The following PTGDR variants were observed in gnomAD, a reference collection of about 807,000 sequenced individuals.
PTGDR encodes PGD2 receptor.
Under a neutral mutation model 17.4 loss-of-function variants are expected in PTGDR, and 19 were observed. The ratio of observed to expected loss-of-function variants is 1.09; its 90% CI spans 0.76 to 1.60. The LOEUF is 1.60. Ranked by LOEUF, PTGDR falls within the 40% of genes most tolerant of loss-of-function variation. The pLI is 0.00. For missense variants in PTGDR, 526 were observed against 481.9 expected, an observed-to-expected ratio of 1.09 and a Z score of -0.86; for synonymous variants, 267 against 224.2, an observed-to-expected ratio of 1.19 and a Z score of -1.71.
intron 1 of PTGDR, 89 bp from the exon 2 acceptor site, chr14:52,274,642 T>C (rs2033384532): frequency 1.7e-6 from 2 of 1,148,244 alleles, no homozygotes; most frequent in South Asian, 1.4e-5. Context: ...TAAGCTGTCA[T>C]GTTCTTACAG....
intron 1 of PTGDR, among the ~76,000 whole-genome samples, chr14:52,273,276 G>A (rs2033356395): frequency 6.6e-6 from 1 of 152,120 alleles, no homozygotes; most frequent in Non-Finnish European, 1.5e-5. Flanking sequence ...GCCTCCCAGA[G>A]TGCTGGGATT....
At chr14:52,279,168 C>T (rs2033462529), downstream of PTGDR, among the ~76,000 whole-genome samples, 1 of 151,996 alleles carries the variant, frequency 6.6e-6, no homozygotes, top group East Asian at 1.9e-4. Context: ...CTAAAATGTA[C>T]GTCTATTCAA....
chr14:52,269,560 C>T lies in PTGDR; in HGVS notation c.846+900C>T, dbSNP rs41343350. ...TCCCAAGGTACCTGTTCAACAAAAA[C>T]AATACTTACAGAAATTCCATTGCCA... On this transcript the variant is annotated intron_variant, in intron 1 of 1. Transcript: ENST00000306051. 2.8e-3 allele frequency: 4,147 copies of T among 1,498,322 alleles called. 4 individuals are homozygous for T. The highest frequency in any genetic ancestry group is 3.5e-3 in the Non-Finnish European group (3,930 of 1,117,384). 92.8% of individuals were successfully genotyped at this position (1,498,322 alleles called of 1,614,324 possible).
chr14:52,275,003 A>C lies in PTGDR; in HGVS notation c.*39A>C, dbSNP rs1485398407. 58 of 1,380,828 alleles carry C rather than the reference A, an allele frequency of 4.2e-5. No individual in the cohort carries two copies. Among genetic ancestry groups the C allele is most frequent in the South Asian group, 5.2e-5 (4 of 77,060 alleles). The allele number at this position is 1,380,828 out of a possible 1,614,324, so 85.5% of individuals were successfully genotyped here. On this transcript the variant is annotated 3_prime_UTR_variant, in exon 2 of 2. Transcript: ENST00000306051. ...TCTGTGGTAAGCTGAGGAATATGTC[A>C]CATTTTCAGTCAAAGAACCATGATT...
chr14:52,268,824 C>A (rs1158645005), intron 1 of PTGDR, among the ~76,000 whole-genome samples, 164 bp downstream of exon 1: 4 of 152,124 alleles, frequency 2.6e-5, no homozygotes, highest in Admixed American at 2.0e-4. Flanking sequence ...CTTCCACAGC[C>A]CCGAGATATA....
In PTGDR at chr14:52,268,208, C is replaced by T. The variant is rs773721272; in HGVS notation, c.394C>T (p.Leu132Phe). 6.2e-6 allele frequency: 10 copies of T among 1,614,106 alleles called. No individual in the cohort carries two copies. In the East Asian group the frequency reaches 1.8e-4, roughly 29 times the overall value. The change falls in exon 1 of 2, where the codon CTC becomes TTC. Residue 132 changes from leucine (L) to phenylalanine (F), a missense_variant. Transcript: ENST00000306051. The stretch of plus-strand genomic sequence containing the variant: ...CCTGGCCATGGCACTGGAGTGCTGG[C>T]TCTCCCTAGGGCACCCTTTCTTCTA... ...QLLAMALECW[L>F]SLGHPFFYRR...
In PTGDR at chr14:52,274,902, A is replaced by T. The variant is rs1246359176; in HGVS notation, c.1018A>T (p.Ile340Phe). 6.8e-6 allele frequency: 11 copies of T among 1,607,510 alleles called. No individual in the cohort carries two copies. Among genetic ancestry groups the T allele is most frequent in the Non-Finnish European group, 9.4e-6 (11 of 1,174,094 alleles). The change falls in exon 2 of 2, where the codon ATT (isoleucine) becomes TTT (phenylalanine). Residue 340 changes from isoleucine to phenylalanine, a missense_variant. Physicochemically the swap from Ile to Phe is conservative, Grantham distance 21. Transcript: ENST00000306051. ...TCGGATATTTTTTCACAAGATTTTC[A>T]TTAGACCTCTTAGGTACAGGAGCCG... is the stretch of plus-strand genomic sequence containing the variant. ...VFRIFFHKIF[I>F]RPLRYRSRCS... is the part of the protein sequence containing the mutation.
intron 1 of PTGDR, 28 bp from the exon 2 acceptor site, chr14:52,274,702 TC>T: frequency 6.5e-7 from 1 of 1,540,834 alleles, no homozygotes. Flanking sequence ...CCTTTCCACA[TC>T]ATAATGGAAT....
chr14:52,274,704 A>G (rs749320735), intron 1 of PTGDR, 27 bp from the exon 2 acceptor site: 1 of 1,543,760 alleles, frequency 6.5e-7, no homozygotes, highest in African/African-American at 1.4e-5. Flanking sequence ...TTTCCACATC[A>G]TAATGGAATG....
At chr14:52,272,607 G>A (rs1421436922) in intron 1 of PTGDR, among the ~76,000 whole-genome samples, 1 of 152,160 alleles carries the variant, frequency 6.6e-6, no homozygotes, top group East Asian at 1.9e-4. Context: ...CTGCCAGGCA[G>A]CCCTCTCTGG....
At chr14:52,272,178 G>A (rs1334675127) in intron 1 of PTGDR, among the ~76,000 whole-genome samples, 1 of 152,096 alleles carries the variant, frequency 6.6e-6, no homozygotes, top group Admixed American at 6.5e-5. Context: ...TATTAGAAAT[G>A]TATTGTTCAT....
intron 1 of PTGDR, among the ~76,000 whole-genome samples, chr14:52,270,662 A>G (rs187000904): frequency 3.8e-4 from 58 of 152,358 alleles, no homozygotes; most frequent in Admixed American, 8.5e-4. Context: ...TCTCTTGGCC[A>G]TAAAACCTAA....
downstream of PTGDR, among the ~76,000 whole-genome samples, chr14:52,280,690 C>G (rs1198673701): frequency 6.6e-6 from 1 of 152,220 alleles, no homozygotes; most frequent in South Asian, 2.1e-4. Flanking sequence ...TCTGCTCTAT[C>G]GTCTGCATTA....
At chr14:52,279,940 A>G (rs1447461095), downstream of PTGDR, among the ~76,000 whole-genome samples, 2 of 152,084 alleles carry the variant, frequency 1.3e-5, no homozygotes, top group Non-Finnish European at 2.9e-5. Context: ...AGCTCAAATG[A>G]AAGTATATTT....
rs2033237647 is a variant in PTGDR at position 52,268,009 on chromosome 14, G to A, written c.195G>A (p.Val65=). Reference sequence around the variant, plus strand: ...TGCCCTCGGTCTTCTACATGCTGGTGTGTGGCCTGACGGTCACCGACTTGC... The same window carrying A: ...TGCCCTCGGTCTTCTACATGCTGGTATGTGGCCTGACGGTCACCGACTTGC... ...RPLPSVFYML[V]CGLTVTDLLG... Residue 65 remains valine (V), a synonymous_variant, in exon 1 of 2, where the codon GTG becomes GTA. Transcript: ENST00000306051. The A allele has an allele frequency of 1.2e-6, 2 of 1,610,402 alleles. No homozygotes were observed. The highest frequency in any genetic ancestry group is 1.7e-5 in the Admixed American group (1 of 60,028).
rs370077189 is a variant in PTGDR at position 52,269,075 on chromosome 14, T to C, written c.846+415T>C. ...GGGTGATGTTTTATTTTGTTAGACC[T>C]GCTCATGACTTCAGTGGTATCAGAA... On this transcript the variant is annotated intron_variant, in intron 1 of 1. Transcript: ENST00000306051. Among the ~76,000 whole-genome samples the C allele has an allele frequency of 3.8e-3, 572 of 152,286 alleles. 2 individuals are homozygous for C. The highest frequency in any genetic ancestry group is 5.7e-3 in the Non-Finnish European group (390 of 68,006).
chr14:52,274,037 T>G (rs41312490), intron 1 of PTGDR, among the ~76,000 whole-genome samples: 5,090 of 152,072 alleles, frequency 0.033, 266 homozygotes, highest in African/African-American at 0.11. Context: ...AAGGCAGCCT[T>G]ATATTTTTGT....
chr14:52,275,066 A>G lies in PTGDR; in HGVS notation c.*102A>G. The G allele has an allele frequency of 1.1e-5, 10 of 926,050 alleles. No homozygotes were observed. In the South Asian group the frequency reaches 1.8e-4, roughly 16 times the overall value. The allele number at this position is 926,050 out of a possible 1,614,324, so 57.4% of individuals were successfully genotyped here. ...ACAACTTACAATTTAAATCCTTAAA[A>G]GTTACCTCCCATAACAAAAGCATGT... is the stretch of plus-strand genomic sequence containing the variant. On this transcript the variant is annotated 3_prime_UTR_variant, in exon 2 of 2. Transcript: ENST00000306051.
chr14:52,268,250 C>T lies in PTGDR; in HGVS notation c.436C>T (p.Leu146=), dbSNP rs368794024. ...TTTCTTCTACCGACGGCACATCACC[C>T]TGCGCCTGGGCGCACTGGTGGCCCC... ...HPFFYRRHIT[L]RLGALVAPVV... is the part of the protein sequence containing the mutation. Residue 146 remains leucine (L), a synonymous_variant, in exon 1 of 2, where the codon CTG becomes TTG. Transcript: ENST00000306051. 8.1e-6 allele frequency: 13 copies of T among 1,613,922 alleles called. No individual in the cohort carries two copies. Among genetic ancestry groups the T allele is most frequent in the Non-Finnish European group, 1.0e-5 (12 of 1,180,060 alleles).
Sources: gnomAD v4.1 joint callset for allele counts (sites outside exome capture counted in the v4.1 genomes callset) on GRCh38, gnomAD v4.1.1 for gene constraint, MANE v1.5 for transcripts, NCBI Gene and HGNC (gene_info 2026-07-23, HGNC 2026-07-21) for gene names.